NRG3: variants seen among roughly 807,000 people sequenced by gnomAD.
NRG3 encodes pro-neuregulin-3, membrane-bound isoform.
In NRG3, 31 loss-of-function variants were observed where a neutral mutation model predicts 66.9. The ratio of observed to expected loss-of-function variants is 0.46; its 90% confidence interval spans 0.35 to 0.63. NRG3 has a LOEUF of 0.63. Ranked by LOEUF, NRG3 falls within the 20% of genes least tolerant of loss-of-function variation. NRG3 has a pLI of 0.00. For synonymous variants in NRG3, 393 were observed against 359.4 expected (o/e 1.09, Z -1.06); for missense variants, 910 against 878.9 (o/e 1.04, Z -0.45).
chr10:82,281,627 T>C (rs2079125706), intron 1 of NRG3, among the ~76,000 whole-genome samples: 1 of 152,168 alleles, frequency 6.6e-6, no homozygotes, highest in Non-Finnish European at 1.5e-5. Context: ...CAGTGGCTCC[T>C]GTAATTGAGT....
chr10:82,362,079 C>CAAAAAAAAAAAAAAAAAA (rs58975630), intron 2 of NRG3, among the ~76,000 whole-genome samples: 1 of 13,930 alleles, frequency 7.2e-5, no homozygotes, highest in African/African-American at 1.5e-4. Context: ...AAAGTACATG[C>CAAAAAAAAAAAAAAAAAA]AAAAAAAAAA....
Position 81,994,793 on chromosome 10 carries a change from T to C in NRG3, c.823+118630T>C, listed in dbSNP as rs190975149. Among the ~76,000 whole-genome samples the C allele has an allele frequency of 2.2e-3, 335 of 152,276 alleles. 1 individual carries two copies. The highest frequency in any genetic ancestry group is 0.01 in the Middle Eastern group (3 of 294). Reference sequence around the variant, plus strand: ...ATTTGATCAAGTTCTTTTAACTTAATTTTTGGATACTTGTAGAATTTTTTA... The same window carrying C: ...ATTTGATCAAGTTCTTTTAACTTAACTTTTGGATACTTGTAGAATTTTTTA... On this transcript the variant is annotated intron_variant, in intron 1 of 8. Transcript: ENST00000372141.
intron 1 of NRG3, among the ~76,000 whole-genome samples, chr10:82,167,886 G>T (rs185476992): frequency 6.7e-4 from 101 of 151,716 alleles, no homozygotes; most frequent in Middle Eastern, 3.4e-3. Context: ...CCTATTAATT[G>T]TATTAATGGG....
At chr10:81,974,764 G>A (rs1256601709) in intron 1 of NRG3, among the ~76,000 whole-genome samples, 1 of 152,028 alleles carries the variant, frequency 6.6e-6, no homozygotes, top group African/African-American at 2.4e-5. Context: ...GAGGGTCAGT[G>A]GTCTCAGTGG....
At chr10:82,862,747 G>C (rs927100247) in intron 3 of NRG3, among the ~76,000 whole-genome samples, 1 of 152,066 alleles carries the variant, frequency 6.6e-6, no homozygotes, top group East Asian at 1.9e-4. Flanking sequence ...CTTGGGATTC[G>C]CTCTCAAAAC....
intron 2 of NRG3, among the ~76,000 whole-genome samples, chr10:82,636,146 T>C (rs1438513725): frequency 6.6e-6 from 1 of 152,046 alleles, no homozygotes; most frequent in Non-Finnish European, 1.5e-5. Context: ...AAAACTAGGA[T>C]GAACCTTTTT....
chr10:82,694,966 C>A (rs1300637077), intron 2 of NRG3, among the ~76,000 whole-genome samples: 3 of 152,092 alleles, frequency 2.0e-5, no homozygotes, highest in Non-Finnish European at 4.4e-5. Context: ...CAATTACAAT[C>A]TCATTTTAAG....
chr10:82,137,754 C>T (rs1052282542), intron 1 of NRG3, among the ~76,000 whole-genome samples: 1 of 152,148 alleles, frequency 6.6e-6, no homozygotes, highest in Non-Finnish European at 1.5e-5. Flanking sequence ...CCACTCTGTG[C>T]CTGAGGCTCT....
intron 1 of NRG3, among the ~76,000 whole-genome samples, chr10:82,060,779 T>C (rs1179364741): frequency 6.6e-6 from 1 of 152,166 alleles, no homozygotes; most frequent in Non-Finnish European, 1.5e-5. Flanking sequence ...CTGTGGCCAG[T>C]AGAAGGTGGG....
At chr10:81,961,861 G>A (rs536894422) in intron 1 of NRG3, among the ~76,000 whole-genome samples, 1 of 152,384 alleles carries the variant, frequency 6.6e-6, no homozygotes, top group East Asian at 1.9e-4. Flanking sequence ...TCAGAAGGCA[G>A]TAGCCGACGT....
At chr10:82,771,354 A>G (rs1053782626) in intron 3 of NRG3, among the ~76,000 whole-genome samples, 1 of 152,200 alleles carries the variant, frequency 6.6e-6, no homozygotes, top group Admixed American at 6.6e-5. Flanking sequence ...AAAAGAAGAC[A>G]TAAAATAAAG....
chr10:82,132,492 G>GAC (rs2068935289), intron 1 of NRG3, among the ~76,000 whole-genome samples: 1 of 36,942 alleles, frequency 2.7e-5, no homozygotes, highest in East Asian at 6.4e-4. Context: ...ATATATATAT[G>GAC]ATATATATAT....
intron 2 of NRG3, among the ~76,000 whole-genome samples, chr10:82,380,499 A>C (rs995298320): frequency 1.3e-5 from 2 of 152,174 alleles, no homozygotes; most frequent in Admixed American, 6.6e-5. Flanking sequence ...GCAGCAATCC[A>C]GTAGAAATAC....
rs140404425 is a variant in NRG3 at position 82,003,269 on chromosome 10, G to A, written c.823+127106G>A. ...AATATTATGTTTGAGGCTCATTTAAGATACACAATTGGAGATGTCAAACAG... is the reference window on the plus strand; with the variant it reads ...AATATTATGTTTGAGGCTCATTTAAAATACACAATTGGAGATGTCAAACAG... On this transcript the variant is annotated intron_variant, in intron 1 of 8. Coordinates refer to ENST00000372141, the MANE Select transcript of NRG3 (RefSeq NM_001010848.4). Among the ~76,000 whole-genome samples the A allele has an allele frequency of 1.3e-3, 204 of 152,238 alleles. 1 individual carries two copies. The highest frequency in any genetic ancestry group is 4.1e-3 in the African/African-American group (170 of 41,554).
intron 1 of NRG3, among the ~76,000 whole-genome samples, chr10:82,027,976 C>A (rs2062393027): frequency 6.6e-6 from 1 of 152,152 alleles, no homozygotes; most frequent in Admixed American, 6.6e-5. Flanking sequence ...CCACTACTCA[C>A]TGCCCACTGC....
intron 1 of NRG3, among the ~76,000 whole-genome samples, chr10:81,910,950 C>G (rs1845079282): frequency 6.6e-6 from 1 of 152,194 alleles, no homozygotes; most frequent in African/African-American, 2.4e-5. Flanking sequence ...AGCCACTGTG[C>G]CAGGCCTCTT....
chr10:82,159,009 C>T (rs2071382893), intron 1 of NRG3, among the ~76,000 whole-genome samples: 1 of 151,822 alleles, frequency 6.6e-6, no homozygotes, highest in Non-Finnish European at 1.5e-5. Flanking sequence ...TAGTCTTTAG[C>T]TGTAGATAGG....
At chr10:82,936,390 T>TA (rs1249320419) in intron 4 of NRG3, among the ~76,000 whole-genome samples, 7 of 152,030 alleles carry the variant, frequency 4.6e-5, no homozygotes, top group East Asian at 1.9e-4. Flanking sequence ...ATATGGAATC[T>TA]AAAAAAAGCT....
At chr10:82,496,190 G>T (rs1042182112) in intron 2 of NRG3, among the ~76,000 whole-genome samples, 7 of 152,140 alleles carry the variant, frequency 4.6e-5, no homozygotes, top group African/African-American at 9.7e-5. Flanking sequence ...ACAATTTTAG[G>T]TTTGTAACAT....
Sources: allele counts gnomAD v4.1 joint callset (sites outside exome capture counted in the v4.1 genomes callset), GRCh38; gene constraint gnomAD v4.1.1; transcripts MANE v1.5; gene names NCBI Gene and HGNC (gene_info 2026-07-23, HGNC 2026-07-21).